The following ADAMTS18 variants were observed in gnomAD, a reference collection of about 807,000 sequenced individuals.
ADAMTS18 encodes A disintegrin and metalloproteinase with thrombospondin motifs 18.
In ADAMTS18, 157 loss-of-function variants were observed where a neutral mutation model predicts 165.9. The ratio of observed to expected loss-of-function variants is 0.95; its 90% CI spans 0.83 to 1.08. The LOEUF (loss-of-function observed/expected upper bound fraction) is 1.08. Ranked by LOEUF, ADAMTS18 falls within the 50% of genes least tolerant of loss-of-function variation. The pLI, the probability that ADAMTS18 is intolerant of heterozygous loss-of-function variation, is 0.00. For missense variants in ADAMTS18, 2,040 were observed against 1,534.0 expected (o/e 1.33, Z -5.51); for synonymous variants, 782 against 578.2 (o/e 1.35, Z -5.06).
At chr16:77,340,113 C>G (rs1317759019) in intron 11 of ADAMTS18, among the ~76,000 whole-genome samples, 1 of 152,158 alleles carries the variant, frequency 6.6e-6, no homozygotes, top group Non-Finnish European at 1.5e-5. Context: ...GAGAAGGTGT[C>G]TTTAAAGAGA....
At chr16:77,420,559 A>G (rs2057588970) in intron 3 of ADAMTS18, among the ~76,000 whole-genome samples, 1 of 152,234 alleles carries the variant, frequency 6.6e-6, no homozygotes, top group Non-Finnish European at 1.5e-5. Context: ...CCGAGGTTAA[A>G]TATGTAATAC....
intron 3 of ADAMTS18, among the ~76,000 whole-genome samples, chr16:77,427,547 G>A (rs1162352798): frequency 1.3e-5 from 2 of 152,146 alleles, no homozygotes; most frequent in Non-Finnish European, 2.9e-5. Flanking sequence ...CTGAGATTCT[G>A]GGACAAAGGC....
chr16:77,388,045 C>T (rs534454713), intron 3 of ADAMTS18, among the ~76,000 whole-genome samples: 18 of 152,186 alleles, frequency 1.2e-4, no homozygotes, highest in Non-Finnish European at 2.4e-4. Flanking sequence ...TTCTGTCTTT[C>T]TCTGGTAGAA....
At position 77,283,737 on chromosome 16, in the gene ADAMTS18, T is replaced by C. The variant is rs753461424; in HGVS notation, c.*219A>G. 14 of 550,372 alleles carry C rather than the reference T, an allele frequency of 2.5e-5. No homozygotes were observed. Among genetic ancestry groups the C allele is most frequent in the Non-Finnish European group, 4.2e-5 (13 of 306,548 alleles). The allele number at this position is 550,372 out of a possible 1,614,324, so 34.1% of individuals were successfully genotyped here. ...ATTTTTTTTAAAGTCAGATTTGTCATCGCTTCCCATTTTCAAGTGCTTCAG... is the reference window on the plus strand; with the variant it reads ...ATTTTTTTTAAAGTCAGATTTGTCACCGCTTCCCATTTTCAAGTGCTTCAG... On this transcript the variant is annotated 3_prime_UTR_variant, in exon 23 of 23. Coordinates refer to ENST00000282849, the MANE Select transcript of ADAMTS18 (RefSeq NM_199355.4).
rs34422251 is a variant in ADAMTS18 at position 77,297,916 on chromosome 16, CTTTTTT to C, written c.2675-507_2675-502del. 8.1e-5 allele frequency among the ~76,000 whole-genome samples: 5 copies of C among 61,534 alleles called. No homozygotes were observed. In the East Asian group the frequency reaches 1.9e-3, roughly 23 times the overall value. The allele number at this position is 61,534 out of a possible 152,430, so 40.4% of individuals were successfully genotyped here. ...CCTATCAGCCAGGGCTCTGCTTTTG[CTTTTTT>C]TTTTTTTTTTTTTTTTTTTTGAGAT... On this transcript the variant is annotated intron_variant, in intron 17 of 22. Coordinates refer to ENST00000282849, the MANE Select transcript of ADAMTS18 (RefSeq NM_199355.4).
At position 77,367,478 on chromosome 16, in the gene ADAMTS18, C is replaced by T. The variant is rs138436194; in HGVS notation, c.741G>A (p.Arg247=). ...GTCCACAAAAATGCTGCTTTTGCAACCTTCGATGGTGATACTCTGTCTCTC... is the reference window on the plus strand; with the variant it reads ...GTCCACAAAAATGCTGCTTTTGCAATCTTCGATGGTGATACTCTGTCTCTC... The part of the protein sequence containing the change: ...QSRETEYHHR[R]LQKQHFCGRR... The change falls in exon 4 of 23, where the codon AGG becomes AGA. Residue 247 remains arginine (R), a synonymous_variant. Transcript: ENST00000282849. The T allele has an allele frequency of 2.5e-6, 4 of 1,614,206 alleles. No individual in the cohort carries two copies. The highest frequency in any genetic ancestry group is 3.4e-6 in the Non-Finnish European group (4 of 1,180,034).
chr16:77,317,671 G>C (rs761803885), intron 16 of ADAMTS18, among the ~76,000 whole-genome samples: 1 of 152,120 alleles, frequency 6.6e-6, no homozygotes, highest in Admixed American at 6.5e-5. Context: ...GAAATTTCAA[G>C]ATGTCATCTA....
intron 3 of ADAMTS18, among the ~76,000 whole-genome samples, chr16:77,408,375 C>T (rs988958594): frequency 2.0e-5 from 3 of 151,954 alleles, no homozygotes; most frequent in Non-Finnish European, 4.4e-5. Flanking sequence ...GAAATGAGTA[C>T]ATTTGAACCA....
chr16:77,317,832 T>C (rs977307808), intron 16 of ADAMTS18, among the ~76,000 whole-genome samples: 1 of 152,148 alleles, frequency 6.6e-6, no homozygotes, highest in Admixed American at 6.5e-5. Context: ...CAAAGAATTA[T>C]CCAGGCCCGC....
intron 11 of ADAMTS18, among the ~76,000 whole-genome samples, chr16:77,338,163 G>A (rs778720312): frequency 3.9e-5 from 6 of 151,956 alleles, no homozygotes; most frequent in African/African-American, 7.2e-5. Context: ...CTTGGCCTCC[G>A]AAAGTGCTGG....
chr16:77,398,788 A>G (rs755210155), intron 3 of ADAMTS18, among the ~76,000 whole-genome samples: 4 of 152,088 alleles, frequency 2.6e-5, no homozygotes, highest in African/African-American at 4.8e-5. Context: ...AAAATTCTCC[A>G]TGGTTGACAG....
At chr16:77,432,247 C>G (rs529158088) in intron 2 of ADAMTS18, among the ~76,000 whole-genome samples, 2 of 152,296 alleles carry the variant, frequency 1.3e-5, no homozygotes, top group South Asian at 2.1e-4. Context: ...TGTGAGCTTT[C>G]ACAGGGATGA....
chr16:77,289,313 C>T lies in ADAMTS18; in HGVS notation c.3501G>A (p.Pro1167=), dbSNP rs3743750. 2.0e-3 allele frequency: 3,213 copies of T among 1,614,116 alleles called. 6 individuals are homozygous for T. The highest frequency in any genetic ancestry group is 0.02 in the East Asian group (880 of 44,876). ...AGTTTGTATTACAGGCTCGTAGCAC[C>T]GGAGGTTTCTGATGGAGCAGACAAC... The part of the protein sequence containing the change: ...SSSCLLHQKP[P]VLRACNTNFC... Residue 1167 remains proline, a synonymous_variant, in exon 22 of 23, where the codon CCG becomes CCA. Transcript: ENST00000282849.
At chr16:77,355,652 C>T (rs1227236601) in intron 9 of ADAMTS18, among the ~76,000 whole-genome samples, 5 of 152,106 alleles carry the variant, frequency 3.3e-5, no homozygotes, top group African/African-American at 1.2e-4. Flanking sequence ...GTACCTTATG[C>T]AACACAATTA....
At chr16:77,292,714 G>A (rs559899385) in intron 20 of ADAMTS18, among the ~76,000 whole-genome samples, 4 of 152,336 alleles carry the variant, frequency 2.6e-5, no homozygotes, top group Non-Finnish European at 4.4e-5. Context: ...AAGAAATCAG[G>A]AGAGAACTGG....
chr16:77,419,979 C>T (rs1430711394), intron 3 of ADAMTS18, among the ~76,000 whole-genome samples: 1 of 123,638 alleles, frequency 8.1e-6, no homozygotes, highest in Admixed American at 1.0e-4. Flanking sequence ...GCCCGGGCAA[C>T]AGTGTGAGAC....
chr16:77,364,098 C>A (rs748733980), intron 5 of ADAMTS18, 90 bp downstream of exon 5: 109 of 1,529,218 alleles, frequency 7.1e-5, no homozygotes, highest in Non-Finnish European at 9.3e-5. Context: ...TTGCACCGAC[C>A]TAATACACCT....
At chr16:77,384,690 T>G (rs760242400) in intron 3 of ADAMTS18, among the ~76,000 whole-genome samples, 2 of 152,210 alleles carry the variant, frequency 1.3e-5, no homozygotes, top group Non-Finnish European at 2.9e-5. Context: ...TTGTACTAAT[T>G]TAACCCTTTA....
chr16:77,430,438 T>G (rs568070178), intron 3 of ADAMTS18, among the ~76,000 whole-genome samples: 15 of 152,372 alleles, frequency 9.8e-5, no homozygotes, highest in African/African-American at 3.6e-4. Flanking sequence ...TGTGCCATGA[T>G]GTACCATGTA....
Sources: gnomAD v4.1 joint callset for allele counts (sites outside exome capture counted in the v4.1 genomes callset) on GRCh38, gnomAD v4.1.1 for gene constraint, MANE v1.5 for transcripts, NCBI Gene and HGNC (gene_info 2026-07-23, HGNC 2026-07-21) for gene names.